Variants in ARNT2 observed in about 807,000 individuals in gnomAD.
ARNT2 encodes aryl hydrocarbon receptor nuclear translocator 2.
ARNT2 carries 36 observed loss-of-function variants against 91.7 expected under a neutral mutation model. That is an observed-to-expected ratio of 0.39 (90% CI 0.30 to 0.52). ARNT2 has a LOEUF of 0.52. ARNT2 is among the 20% of genes least tolerant of loss of function. The pLI, the probability that ARNT2 is intolerant of heterozygous loss-of-function variation, is 0.72. For synonymous variants in ARNT2, 365 were observed against 347.1 expected (o/e 1.05, Z -0.57); for missense variants, 775 against 939.3 (o/e 0.83, Z 2.29).
intron 1 of ARNT2, among the ~76,000 whole-genome samples, chr15:80,420,024 G>T (rs374036710): frequency 6.6e-6 from 1 of 152,074 alleles, no homozygotes; most frequent in African/African-American, 2.4e-5. Context: ...CACAGCACCC[G>T]CACCTCCCTA....
intron 11 of ARNT2, among the ~76,000 whole-genome samples, chr15:80,562,226 C>A (rs1898375386): frequency 6.6e-6 from 1 of 152,106 alleles, no homozygotes; most frequent in Non-Finnish European, 1.5e-5. Flanking sequence ...AGGCATGGGG[C>A]CTGGCTGGTT....
At chr15:80,503,370 C>T (rs1207632342) in intron 5 of ARNT2, among the ~76,000 whole-genome samples, 1 of 152,200 alleles carries the variant, frequency 6.6e-6, no homozygotes, top group Non-Finnish European at 1.5e-5. Flanking sequence ...TGAAGTCAGG[C>T]ATGCTTTCAG....
rs765015538 is a variant in ARNT2, at chr15:80,475,136, T to C, written c.535T>C (p.Phe179Leu). 1 of 1,614,186 alleles carries C rather than the reference T, an allele frequency of 6.2e-7. No homozygotes were observed. Among genetic ancestry groups the C allele is most frequent in the South Asian group, 1.1e-5 (1 of 91,086 alleles). Reference protein sequence around the residue: ...PVLNQPQSEWFGSTLYEQVHP... With the variant: ...PVLNQPQSEWLGSTLYEQVHP... ...TCTGAACCAGCCCCAGTCAGAGTGG[T>C]TTGGGAGCACACTGTATGAACAGGT... The change falls in exon 5 of 19, where the codon TTT becomes CTT. Residue 179 changes from phenylalanine to leucine, a missense_variant. By Grantham distance (22) the Phe-to-Leu change is conservative (BLOSUM62 0). Coordinates refer to ENST00000303329, the MANE Select transcript of ARNT2 (RefSeq NM_014862.4).
At chr15:80,470,604 T>C (rs541566749) in intron 4 of ARNT2, among the ~76,000 whole-genome samples, 173 bp downstream of exon 4, 3 of 152,366 alleles carry the variant, frequency 2.0e-5, no homozygotes, top group African/African-American at 7.2e-5. Flanking sequence ...GTCTGATCTT[T>C]GGGTCTTCTG....
At chr15:80,585,039 C>A (rs1232485919) in intron 17 of ARNT2, among the ~76,000 whole-genome samples, 2 of 152,216 alleles carry the variant, frequency 1.3e-5, no homozygotes, top group African/African-American at 4.8e-5. Context: ...AGAAAAAACG[C>A]CCCTGCCTGG....
intron 3 of ARNT2, 47 bp from the exon 4 acceptor site, chr15:80,470,171 A>T (rs762826031): frequency 4.7e-6 from 7 of 1,475,604 alleles, no homozygotes; most frequent in Non-Finnish European, 6.3e-6. Context: ...CCCTAATCTG[A>T]TACTTCTCTT....
At chr15:80,575,225 AC>A in intron 14 of ARNT2, 115 bp downstream of exon 14, 1 of 1,375,262 alleles carries the variant, frequency 7.3e-7, no homozygotes, top group Non-Finnish European at 1.0e-6. Flanking sequence ...GTTTTGAGTA[AC>A]CATTGCAGGG....
intron 6 of ARNT2, 98 bp downstream of exon 6, chr15:80,508,356 C>G: frequency 8.5e-7 from 1 of 1,176,338 alleles, no homozygotes; most frequent in Non-Finnish European, 1.3e-6. Flanking sequence ...GTCACACATG[C>G]CAACGTGGGT....
rs1433391399 is a variant in ARNT2, at chr15:80,593,903, G to A, written c.*205G>A. On this transcript the variant is annotated 3_prime_UTR_variant, in exon 19 of 19. Transcript: ENST00000303329. ...GCTCGGCCACTGACCAGGGGCCCTG[G>A]CAGACATTAGGGGATCAGTTGTATT... is the stretch of plus-strand genomic sequence containing the variant. 2 of 577,470 alleles carry A rather than the reference G, an allele frequency of 3.5e-6. No individual in the cohort carries two copies. Among genetic ancestry groups the A allele is most frequent in the Non-Finnish European group, 6.2e-6 (2 of 324,028 alleles). The allele number at this position is 577,470 out of a possible 1,614,324, so 35.8% of individuals were successfully genotyped here. A position where few individuals can be genotyped will look rare whatever the true frequency, so the allele number is the denominator to read the frequency against.
chr15:80,470,652 A>G (rs1206433328), intron 4 of ARNT2, among the ~76,000 whole-genome samples: 1 of 152,196 alleles, frequency 6.6e-6, no homozygotes, highest in Non-Finnish European at 1.5e-5. Flanking sequence ...GATGTCACTC[A>G]AAAAAATATA....
intron 1 of ARNT2, chr15:80,441,262 A>C: frequency 1.0e-6 from 1 of 985,300 alleles, no homozygotes; most frequent in Non-Finnish European, 1.2e-6. Context: ...GCAGAATACA[A>C]ATGCAGCTAC....
intron 4 of ARNT2, among the ~76,000 whole-genome samples, chr15:80,472,766 G>C (rs1896748792): frequency 6.6e-6 from 1 of 152,210 alleles, no homozygotes. Context: ...AGCATAGACT[G>C]TTTAACATGG....
intron 8 of ARNT2, among the ~76,000 whole-genome samples, chr15:80,515,804 A>C (rs1309139147): frequency 1.3e-5 from 2 of 150,120 alleles, no homozygotes; most frequent in African/African-American, 4.9e-5. Flanking sequence ...TAGTATATAT[A>C]TCTCAGTAAC....
chr15:80,405,564 C>G (rs1402609999), intron 1 of ARNT2, among the ~76,000 whole-genome samples: 1 of 152,150 alleles, frequency 6.6e-6, no homozygotes, highest in Non-Finnish European at 1.5e-5. Flanking sequence ...TGAAAGATCC[C>G]TTTCATCTAA....
chr15:80,568,283 G>A (rs571880347), intron 12 of ARNT2, among the ~76,000 whole-genome samples: 11 of 152,270 alleles, frequency 7.2e-5, no homozygotes, highest in African/African-American at 2.6e-4. Flanking sequence ...TTTTTACATG[G>A]GCACGACCTA....
At position 80,546,204 on chromosome 15, in the gene ARNT2, T is replaced by TA. The variant is rs200671519; in HGVS notation, c.878-4993dup. On this transcript the variant is annotated intron_variant, in intron 8 of 18. Transcript: ENST00000303329. Reference sequence around the variant, plus strand: ...GAGTTAGTACAATGATTCTGTGATGTAAGCAAGGACTCCTTCTCTCAGCTT... The same window carrying TA: ...GAGTTAGTACAATGATTCTGTGATGTAAAGCAAGGACTCCTTCTCTCAGCTT... Among the ~76,000 whole-genome samples the TA allele has an allele frequency of 2.0e-3, 308 of 152,340 alleles. 6 individuals are homozygous for TA. The East Asian group carries it at 0.032, about 16-fold the overall frequency.
chr15:80,428,238 A>AAGGGCTCT (rs1272311175), intron 1 of ARNT2, among the ~76,000 whole-genome samples: 1 of 152,272 alleles, frequency 6.6e-6, no homozygotes, highest in Non-Finnish European at 1.5e-5. Context: ...CACAGACCCA[A>AAGGGCTCT]AGGGCTCTAG....
chr15:80,529,057 A>T (rs935006558), intron 8 of ARNT2, among the ~76,000 whole-genome samples: 1 of 151,968 alleles, frequency 6.6e-6, no homozygotes, highest in Admixed American at 6.6e-5. Context: ...ATTCTATTTT[A>T]TTTGTGCCAG....
At chr15:80,592,898 G>A (rs1283907230) in intron 18 of ARNT2, among the ~76,000 whole-genome samples, 4 of 152,220 alleles carry the variant, frequency 2.6e-5, no homozygotes, top group Non-Finnish European at 5.9e-5. Context: ...ATTGCAGGAC[G>A]TATCAGAGCT....
Sources: gnomAD v4.1 joint callset for allele counts (sites outside exome capture counted in the v4.1 genomes callset) on GRCh38, gnomAD v4.1.1 for gene constraint, MANE v1.5 for transcripts, NCBI Gene and HGNC (gene_info 2026-07-23, HGNC 2026-07-21) for gene names.